Variants in CELF4 observed in about 807,000 individuals in gnomAD.
CELF4 encodes CUGBP Elav-like family member 4.
CELF4 carries 18 observed loss-of-function variants against 59.9 expected under a neutral mutation model. That is an observed-to-expected ratio of 0.30 (90% CI 0.21 to 0.45). CELF4 has a LOEUF of 0.45. Ranked by LOEUF, CELF4 falls within the 20% of genes least tolerant of loss-of-function variation. The pLI, the probability that CELF4 is intolerant of heterozygous loss-of-function variation, is 1.00. For synonymous variants in CELF4, 261 were observed against 267.1 expected (o/e 0.98, Z 0.22); for missense variants, 456 against 689.0 (o/e 0.66, Z 3.79).
At chr18:37,417,096 A>C (rs980366344) in intron 2 of CELF4, among the ~76,000 whole-genome samples, 3 of 152,178 alleles carry the variant, frequency 2.0e-5, no homozygotes, top group Admixed American at 6.5e-5. Flanking sequence ...AAAGAAAATA[A>C]AGAATGAAGT....
intron 2 of CELF4, among the ~76,000 whole-genome samples, chr18:37,395,575 C>CAGGTGTAAA (rs2099234129): frequency 6.6e-6 from 1 of 152,228 alleles, no homozygotes; most frequent in Non-Finnish European, 1.5e-5. Context: ...AAACACTAAG[C>CAGGTGTAAA]CCCTGAGGGG....
At chr18:37,278,518 T>C (rs2093695577) in intron 3 of CELF4, among the ~76,000 whole-genome samples, 1 of 152,142 alleles carries the variant, frequency 6.6e-6, no homozygotes, top group Non-Finnish European at 1.5e-5. Context: ...CCCCTCCCGC[T>C]CCCCTGCTCC....
Position 37,387,225 on chromosome 18 carries a change from C to T in CELF4, c.370-65344G>A, listed in dbSNP as rs1010721267. 1.8e-4 allele frequency among the ~76,000 whole-genome samples: 28 copies of T among 152,246 alleles called. 3 individuals are homozygous for T. In the East Asian group the frequency reaches 2.1e-3, roughly 11 times the overall value. ...TTCCTCCCTGCCTTTTCCCGGCAAC[C>T]AGGGCCATCCCGAGTGGGGGGCTGG... On this transcript the variant is annotated intron_variant, in intron 2 of 12. Coordinates refer to ENST00000420428, the MANE Select transcript of CELF4 (RefSeq NM_020180.4).
At position 37,254,076 on chromosome 18, in the gene CELF4, G is replaced by A; in HGVS notation, c.1334-138C>T. 1.9e-6 allele frequency: 1 copy of A among 540,296 alleles called. No homozygotes were observed. The highest frequency in any genetic ancestry group is 2.6e-6 in the Non-Finnish European group (1 of 383,634). The allele number at this position is 540,296 out of a possible 1,614,324, so 33.5% of individuals were successfully genotyped here. Reference sequence around the variant, plus strand: ...CGGGCCCCGCCCCCGGCCCCGCCCCGGTGCCCGCCCCTCTCCAGCCCGCGC... The same window carrying A: ...CGGGCCCCGCCCCCGGCCCCGCCCCAGTGCCCGCCCCTCTCCAGCCCGCGC... On this transcript the variant is annotated intron_variant, in intron 11 of 12. Coordinates refer to ENST00000420428, the MANE Select transcript of CELF4 (RefSeq NM_020180.4). This position sits in a 1 kb window ranked among gnomAD's most constrained non-coding sequence, Gnocchi z 5.1.
intron 2 of CELF4, among the ~76,000 whole-genome samples, chr18:37,322,759 C>T (rs1288669386): frequency 6.6e-6 from 1 of 152,194 alleles, no homozygotes; most frequent in Non-Finnish European, 1.5e-5. Context: ...CGGATTCTGA[C>T]CTGATGTCTT....
chr18:37,448,586 G>A (rs906113212), intron 2 of CELF4, among the ~76,000 whole-genome samples: 6 of 152,210 alleles, frequency 3.9e-5, no homozygotes, highest in African/African-American at 9.6e-5. Context: ...TCCGTCTTGC[G>A]CAGGTGCTGG....
chr18:37,350,851 A>AACT (rs2098423673), intron 2 of CELF4, among the ~76,000 whole-genome samples: 1 of 152,106 alleles, frequency 6.6e-6, no homozygotes, highest in Admixed American at 6.5e-5. Flanking sequence ...TGAAGTCCTG[A>AACT]GGGTCACCAA....
intron 1 of CELF4, among the ~76,000 whole-genome samples, chr18:37,496,682 C>T (rs1028197544): frequency 3.9e-5 from 6 of 152,208 alleles, no homozygotes; most frequent in African/African-American, 1.4e-4. Context: ...GAAAAACAAT[C>T]TCACACTGTC....
intron 2 of CELF4, among the ~76,000 whole-genome samples, chr18:37,435,708 G>A (rs2154600947): frequency 6.6e-6 from 1 of 152,274 alleles, no homozygotes; most frequent in South Asian, 2.1e-4. Context: ...TGGCTCCCAG[G>A]CGACTCTCAG....
intron 1 of CELF4, chr18:37,486,143 G>T (rs56916077): frequency 5.9e-5 from 9 of 152,156 alleles, no homozygotes; most frequent in African/African-American, 2.2e-4. Context: ...TAAAATAAAC[G>T]TACCCTGTGT....
intron 2 of CELF4, among the ~76,000 whole-genome samples, chr18:37,442,225 C>T (rs549796229): frequency 1.2e-4 from 18 of 152,244 alleles, no homozygotes; most frequent in African/African-American, 4.1e-4. Flanking sequence ...AAAAAAATGA[C>T]GAACATGGCT....
In CELF4 at chr18:37,254,754, C is replaced by T. The variant is rs2154281328; in HGVS notation, c.1334-816G>A. Among the ~76,000 whole-genome samples, 1 of 152,374 alleles carries T rather than the reference C, an allele frequency of 6.6e-6. No individual in the cohort carries two copies. The highest frequency in any genetic ancestry group is 2.1e-4 in the South Asian group (1 of 4,828). ...TTCACTCCTGTGCCCAGATGGCATG[C>T]AGAACCTTGCGGCTCCCAGGCCCAA... On this transcript the variant is annotated intron_variant, in intron 11 of 12. Transcript: ENST00000420428. The surrounding 1 kb of genome is among the most constrained non-coding windows in gnomAD (Gnocchi z 5.1).
intron 2 of CELF4, among the ~76,000 whole-genome samples, chr18:37,478,125 C>T (rs1220037195): frequency 6.6e-6 from 1 of 152,136 alleles, no homozygotes; most frequent in Non-Finnish European, 1.5e-5. Context: ...CTCTCCTCTC[C>T]CTGTTGTCTT....
intron 1 of CELF4, among the ~76,000 whole-genome samples, chr18:37,557,421 C>G (rs2099985138): frequency 6.6e-6 from 1 of 152,172 alleles, no homozygotes; most frequent in South Asian, 2.1e-4. Context: ...AGTGGCTGTG[C>G]AGAAAGGATT....
At chr18:37,343,460 G>T (rs1334249420) in intron 2 of CELF4, among the ~76,000 whole-genome samples, 2 of 151,922 alleles carry the variant, frequency 1.3e-5, no homozygotes, top group Non-Finnish European at 2.9e-5. Flanking sequence ...AGGGCGCAGA[G>T]CTGCATACAG....
rs758462551 is a variant in CELF4 at position 37,431,717 on chromosome 18, A to G, written c.369+53808T>C. ...GAAAACTCAATAAGCCACAGTCACCATATTAAAATTAAATTGTTAAACTTC... is the reference window on the plus strand; with the variant it reads ...GAAAACTCAATAAGCCACAGTCACCGTATTAAAATTAAATTGTTAAACTTC... On this transcript the variant is annotated intron_variant, in intron 2 of 12. Coordinates refer to ENST00000420428, the MANE Select transcript of CELF4 (RefSeq NM_020180.4). 6.6e-5 allele frequency among the ~76,000 whole-genome samples: 10 copies of G among 152,308 alleles called. No individual in the cohort carries two copies. In the Middle Eastern group the frequency reaches 0.014, roughly 207 times the overall value.
intron 2 of CELF4, among the ~76,000 whole-genome samples, chr18:37,358,746 A>G (rs2098648798): frequency 6.6e-6 from 1 of 152,230 alleles, no homozygotes; most frequent in African/African-American, 2.4e-5. Context: ...GCAGGCTCCA[A>G]GAGGGCACAC....
chr18:37,565,055 G>T (rs1275078822), intron 1 of CELF4, among the ~76,000 whole-genome samples: 1 of 151,948 alleles, frequency 6.6e-6, no homozygotes, highest in African/African-American at 2.4e-5. Context: ...CTTTCAGGTC[G>T]CTGTACCCAA....
intron 2 of CELF4, among the ~76,000 whole-genome samples, chr18:37,410,269 C>T (rs1175886124): frequency 6.6e-6 from 1 of 152,248 alleles, no homozygotes; most frequent in African/African-American, 2.4e-5. Context: ...CTCCTTCCTT[C>T]TCTGCTCCTG....
Sources: gnomAD v4.1 joint callset for allele counts (sites outside exome capture counted in the v4.1 genomes callset) on GRCh38, gnomAD v4.1.1 for gene constraint, Gnocchi (gnomAD v3.1) non-coding constraint, MANE v1.5 for transcripts, NCBI Gene and HGNC (gene_info 2026-07-23, HGNC 2026-07-21) for gene names.